Variants in CNTN5 observed in about 807,000 individuals in gnomAD.
CNTN5 encodes the protein contactin 5.
Under a neutral mutation model 129.1 loss-of-function variants are expected in CNTN5, and 77 were observed. The observed-to-expected ratio is 0.60, with a 90% CI of 0.50 to 0.72. The LOEUF is 0.72. CNTN5 is among the 30% of genes least tolerant of loss of function. The probability of loss-of-function intolerance (pLI) is 0.00; values close to 1 mark genes in which losing one functional copy is unlikely to be tolerated. For missense variants in CNTN5, 1,478 were observed against 1,328.8 expected, an observed-to-expected ratio of 1.11 and a Z score of -1.75; for synonymous variants, 509 against 465.6, an observed-to-expected ratio of 1.09 and a Z score of -1.20.
At chr11:99,787,211 C>T (rs954390618) in intron 3 of CNTN5, among the ~76,000 whole-genome samples, 10 of 150,720 alleles carry the variant, frequency 6.6e-5, no homozygotes, top group Non-Finnish European at 1.2e-4. Flanking sequence ...GGAAGAAATA[C>T]AGAAGAAAAA....
chr11:99,987,140 T>C (rs1938734673), intron 8 of CNTN5, among the ~76,000 whole-genome samples: 1 of 152,128 alleles, frequency 6.6e-6, no homozygotes, highest in Non-Finnish European at 1.5e-5. Flanking sequence ...CTATGCCACC[T>C]GTCACCCACA....
chr11:99,729,500 C>A (rs941417560), intron 3 of CNTN5, among the ~76,000 whole-genome samples: 4 of 152,084 alleles, frequency 2.6e-5, no homozygotes, highest in Non-Finnish European at 4.4e-5. Context: ...TTCTTTGTAA[C>A]ACATTATTTT....
intron 3 of CNTN5, among the ~76,000 whole-genome samples, chr11:99,660,501 A>T (rs188612346): frequency 6.6e-6 from 1 of 152,164 alleles, no homozygotes; most frequent in African/African-American, 2.4e-5. Context: ...TTTACACCTC[A>T]ATAAACCTGT....
chr11:100,101,829 T>C (rs1945234928), intron 13 of CNTN5, among the ~76,000 whole-genome samples: 1 of 152,152 alleles, frequency 6.6e-6, no homozygotes, highest in Non-Finnish European at 1.5e-5. Context: ...GAACATGCAA[T>C]ACTTGGCTTT....
chr11:99,505,511 T>C (rs1448790279), intron 2 of CNTN5, among the ~76,000 whole-genome samples: 1 of 152,204 alleles, frequency 6.6e-6, no homozygotes, highest in Non-Finnish European at 1.5e-5. Flanking sequence ...TTTGAATGAT[T>C]CACTCTGGTC....
At chr11:100,263,220 A>G (rs1300401948) in intron 17 of CNTN5, among the ~76,000 whole-genome samples, 1 of 152,150 alleles carries the variant, frequency 6.6e-6, no homozygotes, top group Non-Finnish European at 1.5e-5. Context: ...GTCCATACTG[A>G]GTAACAACTG....
In CNTN5 at chr11:99,449,451, T is replaced by A. The variant is rs369036980; in HGVS notation, c.-70-106694T>A. ...ATGGTTTGAAAATTACTCACAATAT[T>A]TAAAATGTCCTTTCTAATATGAACA... is the stretch of plus-strand genomic sequence containing the variant. On this transcript the variant is annotated intron_variant, in intron 2 of 24. Coordinates refer to ENST00000524871, the MANE Select transcript of CNTN5 (RefSeq NM_014361.4). Among the ~76,000 whole-genome samples the A allele has an allele frequency of 1.6e-3, 248 of 152,364 alleles. 2 individuals are homozygous for A. The highest frequency in any genetic ancestry group is 5.7e-3 in the African/African-American group (235 of 41,586).
At chr11:99,125,179 C>G (rs1858561214) in intron 1 of CNTN5, among the ~76,000 whole-genome samples, 1 of 151,972 alleles carries the variant, frequency 6.6e-6, no homozygotes, top group Non-Finnish European at 1.5e-5. Context: ...AATTTAAGAC[C>G]AGTATTCTTG....
chr11:100,334,236 C>T (rs1309934574), intron 21 of CNTN5, among the ~76,000 whole-genome samples: 1 of 152,226 alleles, frequency 6.6e-6, no homozygotes, highest in Admixed American at 6.5e-5. Flanking sequence ...AGAGATACCA[C>T]CTCACTCCTG....
chr11:100,015,251 A>T (rs1328262055), intron 9 of CNTN5, among the ~76,000 whole-genome samples: 1 of 152,172 alleles, frequency 6.6e-6, no homozygotes, highest in Non-Finnish European at 1.5e-5. Context: ...CTTAGTCTCT[A>T]TCTCAAATTA....
chr11:100,217,875 TA>T (rs1016212421), intron 15 of CNTN5, among the ~76,000 whole-genome samples: 2 of 152,190 alleles, frequency 1.3e-5, no homozygotes, highest in African/African-American at 4.8e-5. Context: ...GATGTGAGTT[TA>T]AATACTACTC....
intron 2 of CNTN5, among the ~76,000 whole-genome samples, chr11:99,503,525 T>C (rs1946502537): frequency 1.3e-5 from 2 of 152,216 alleles, no homozygotes; most frequent in South Asian, 4.1e-4. Context: ...TGCAATGCTG[T>C]GAGTGTGAAA....
chr11:99,788,028 ACTTT>A (rs1945598633), intron 3 of CNTN5, among the ~76,000 whole-genome samples: 1 of 151,964 alleles, frequency 6.6e-6, no homozygotes, highest in African/African-American at 2.4e-5. Context: ...ACTTGATTAA[ACTTT>A]CTTTGTGTTC....
chr11:99,401,212 G>C (rs1941789172), intron 2 of CNTN5, among the ~76,000 whole-genome samples: 1 of 152,066 alleles, frequency 6.6e-6, no homozygotes, highest in African/African-American at 2.4e-5. Context: ...AATAGTTTGA[G>C]GTCTTAAATT....
intron 8 of CNTN5, among the ~76,000 whole-genome samples, chr11:99,971,185 CACT>C (rs1253738262): frequency 3.3e-5 from 5 of 152,164 alleles, no homozygotes; most frequent in African/African-American, 1.2e-4. Flanking sequence ...ACATTTCACT[CACT>C]ACCCAGTAGA....
At chr11:99,381,820 G>C (rs981643900) in intron 2 of CNTN5, among the ~76,000 whole-genome samples, 1 of 152,094 alleles carries the variant, frequency 6.6e-6, no homozygotes. Context: ...CAACATGTTA[G>C]AAGTAATGAC....
intron 1 of CNTN5, among the ~76,000 whole-genome samples, chr11:99,067,492 T>A (rs1865151496): frequency 6.6e-6 from 1 of 151,520 alleles, no homozygotes; most frequent in African/African-American, 2.4e-5. Context: ...TGAAGTGTCA[T>A]CTTTGTCATT....
intron 3 of CNTN5, among the ~76,000 whole-genome samples, chr11:99,765,328 C>T (rs1228305336): frequency 1.3e-5 from 2 of 151,666 alleles, no homozygotes; most frequent in Non-Finnish European, 2.9e-5. Flanking sequence ...TACATATATA[C>T]ACCATCAGCA....
At chr11:99,710,567 A>ATGTGTGTGTGTG (rs71050018) in intron 3 of CNTN5, among the ~76,000 whole-genome samples, 1 of 140,474 alleles carries the variant, frequency 7.1e-6, no homozygotes, top group South Asian at 2.3e-4. Flanking sequence ...GTGTGTGTGC[A>ATGTGTGTGTGTG]TGTGTGTGTG....
Sources: allele counts gnomAD v4.1 joint callset (sites outside exome capture counted in the v4.1 genomes callset), GRCh38; gene constraint gnomAD v4.1.1; transcripts MANE v1.5; gene names NCBI Gene and HGNC (gene_info 2026-07-23, HGNC 2026-07-21).